The following ZBTB20 variants were observed in gnomAD, a reference collection of about 807,000 sequenced individuals.
ZBTB20 encodes zinc finger and BTB domain containing 20.
A neutral mutation model predicts 56.9 loss-of-function variants in ZBTB20; 9 were observed. That is an observed-to-expected ratio of 0.16 (90% CI 0.10 to 0.28). ZBTB20 has a LOEUF of 0.28. Among genes scored for constraint, ZBTB20 ranks in the 10% least tolerant of loss-of-function variants. The probability of loss-of-function intolerance (pLI) is 1.00; values close to 1 mark genes in which losing one functional copy is unlikely to be tolerated. For synonymous variants in ZBTB20, 417 were observed against 420.7 expected (o/e 0.99, Z 0.11); for missense variants, 655 against 1,003.0 (o/e 0.65, Z 4.69).
chr3:114,839,436 A>AAAGAAAGAAAGG, intron 4 of ZBTB20, among the ~76,000 whole-genome samples: 1 of 151,056 alleles, frequency 6.6e-6, no homozygotes, highest in South Asian at 2.1e-4. Flanking sequence ...AGAAAGAAAG[A>AAAGAAAGAAAGG]AAGAAAGAAA....
At chr3:114,436,818 C>T (rs907461038) in intron 7 of ZBTB20, among the ~76,000 whole-genome samples, 1 of 152,064 alleles carries the variant, frequency 6.6e-6, no homozygotes, top group African/African-American at 2.4e-5. Flanking sequence ...ATACTCCAGC[C>T]TGGGTGATTG....
intron 6 of ZBTB20, among the ~76,000 whole-genome samples, chr3:114,644,437 T>C (rs912934783): frequency 1.3e-5 from 2 of 152,120 alleles, no homozygotes; most frequent in African/African-American, 4.8e-5. Flanking sequence ...ATTTATATCA[T>C]TGCCATCACT....
intron 6 of ZBTB20, among the ~76,000 whole-genome samples, chr3:114,544,406 CTTCTTTCTTTCTTTCTTTCTTTCT>C (rs200949949): frequency 0.066 from 8,064 of 121,326 alleles, 377 homozygotes; most frequent in Middle Eastern, 0.12. Flanking sequence ...AACTAGATTT[CTTCTTTCTTTCTTTCTTTCTTTCT>C]TTCTTTCTTT....
chr3:114,801,486 T>C (rs1022700150), intron 4 of ZBTB20, among the ~76,000 whole-genome samples: 1 of 151,592 alleles, frequency 6.6e-6, no homozygotes, highest in African/African-American at 2.4e-5. Context: ...TGTTTCTGAA[T>C]TTTAGCTATA....
intron 6 of ZBTB20, among the ~76,000 whole-genome samples, chr3:114,525,528 G>A (rs549428251): frequency 5.3e-5 from 8 of 151,890 alleles, no homozygotes; most frequent in East Asian, 1.9e-4. Context: ...CTTACTTCTC[G>A]GATGGTTTTT....
chr3:114,555,210 G>A (rs1352443259), intron 6 of ZBTB20, among the ~76,000 whole-genome samples: 1 of 152,136 alleles, frequency 6.6e-6, no homozygotes, highest in South Asian at 2.1e-4. Context: ...GTCTCTCAGA[G>A]AAGTAAAGGG....
chr3:114,337,528 G>A lies in ZBTB20; in HGVS notation c.*1477C>T, dbSNP rs1029363511. ...TTCCATGAAAAAGAACAGAATTCTA[G>A]ATGAATCAGTTGAAAAAATTATTCA... On this transcript the variant is annotated 3_prime_UTR_variant, in exon 12 of 12. Transcript: ENST00000675478. 6.6e-6 allele frequency: 1 copy of A among 152,180 alleles called. No individual in the cohort carries two copies. The highest frequency in any genetic ancestry group is 2.4e-5 in the African/African-American group (1 of 41,460). The allele number at this position is 152,180 out of a possible 1,614,324, so 9.4% of individuals were successfully genotyped here.
At chr3:114,812,248 G>T (rs560550239) in intron 4 of ZBTB20, among the ~76,000 whole-genome samples, 8 of 152,130 alleles carry the variant, frequency 5.3e-5, no homozygotes, top group Admixed American at 2.6e-4. Context: ...GAGCTGAGTG[G>T]TCTGTTTTGA....
intron 6 of ZBTB20, among the ~76,000 whole-genome samples, chr3:114,594,608 G>C (rs1055262960): frequency 4.6e-5 from 7 of 152,068 alleles, no homozygotes; most frequent in African/African-American, 1.4e-4. Flanking sequence ...GAAAGGATTA[G>C]TGTCTAGCAT....
intron 7 of ZBTB20, among the ~76,000 whole-genome samples, chr3:114,438,639 C>G (rs963945969): frequency 6.6e-6 from 1 of 151,984 alleles, no homozygotes; most frequent in African/African-American, 2.4e-5. Flanking sequence ...GTATCATTTT[C>G]AGTAAGAGAA....
intron 5 of ZBTB20, among the ~76,000 whole-genome samples, chr3:114,774,153 T>C (rs2069419458): frequency 6.6e-6 from 1 of 152,196 alleles, no homozygotes; most frequent in African/African-American, 2.4e-5. Context: ...GAAATAATTT[T>C]CACAGTAAAA....
chr3:114,725,111 C>T (rs985078694), intron 5 of ZBTB20, among the ~76,000 whole-genome samples: 1 of 152,086 alleles, frequency 6.6e-6, no homozygotes, highest in African/African-American at 2.4e-5. Flanking sequence ...GCATTTATCC[C>T]CCAAATAACT....
intron 6 of ZBTB20, among the ~76,000 whole-genome samples, 200 bp from the exon 7 acceptor site, chr3:114,500,591 G>A (rs1312053298): frequency 6.6e-6 from 1 of 152,044 alleles, no homozygotes; most frequent in Non-Finnish European, 1.5e-5. Flanking sequence ...CTTTCTAAAG[G>A]TATGACCCCC....
chr3:114,525,251 T>A (rs1465714619), intron 6 of ZBTB20, among the ~76,000 whole-genome samples: 2 of 152,162 alleles, frequency 1.3e-5, no homozygotes, highest in African/African-American at 4.8e-5. Flanking sequence ...TAATATGCCC[T>A]CAATAAATAC....
chr3:114,582,175 G>A (rs138581839), intron 6 of ZBTB20: 21 of 152,144 alleles, frequency 1.4e-4, no homozygotes, highest in African/African-American at 4.1e-4. Flanking sequence ...TTCTTCTTAG[G>A]TATTATAAAT....
intron 10 of ZBTB20, chr3:114,366,674 A>G (rs1011243494): frequency 2.6e-5 from 4 of 152,218 alleles, no homozygotes; most frequent in Non-Finnish European, 2.9e-5. Context: ...TTCCATACCC[A>G]TGTGTCTCTG....
At chr3:114,761,127 CAT>C (rs1242538124) in intron 5 of ZBTB20, among the ~76,000 whole-genome samples, 3 of 152,048 alleles carry the variant, frequency 2.0e-5, no homozygotes, top group African/African-American at 7.2e-5. Flanking sequence ...TACTATTTAC[CAT>C]AGTTCAGTAA....
At chr3:114,426,411 G>C (rs1351936450) in intron 7 of ZBTB20, among the ~76,000 whole-genome samples, 1 of 148,276 alleles carries the variant, frequency 6.7e-6, no homozygotes, top group Non-Finnish European at 1.5e-5. Flanking sequence ...TGGTTTGACT[G>C]TCACAGTTCC....
chr3:114,930,722 T>C, intron 3 of ZBTB20: 1 of 224,412 alleles, frequency 4.5e-6, no homozygotes. Context: ...ATAAATGGTT[T>C]CATCTATGCG....
Sources: gnomAD v4.1 joint callset for allele counts (sites outside exome capture counted in the v4.1 genomes callset) on GRCh38, gnomAD v4.1.1 for gene constraint, MANE v1.5 for transcripts, NCBI Gene and HGNC (gene_info 2026-07-23, HGNC 2026-07-21) for gene names.